RBFOX1: variants seen among roughly 807,000 people sequenced by gnomAD.
RBFOX1 encodes RNA binding fox-1 homolog 1.
A neutral mutation model predicts 57.7 loss-of-function variants in RBFOX1; 8 were observed. The observed-to-expected ratio is 0.14, with a 90% CI of 0.08 to 0.25. The LOEUF is 0.25. Among genes scored for constraint, RBFOX1 ranks in the 10% least tolerant of loss-of-function variants. The probability of loss-of-function intolerance (pLI) is 1.00; values close to 1 mark genes in which losing one functional copy is unlikely to be tolerated. For synonymous variants in RBFOX1, 326 were observed against 222.4 expected (o/e 1.47, Z -4.15); for missense variants, 611 against 548.5 (o/e 1.11, Z -1.14).
At chr16:6,834,056 T>C (rs1291838839) in intron 3 of RBFOX1, among the ~76,000 whole-genome samples, 1 of 104,906 alleles carries the variant, frequency 9.5e-6, no homozygotes, top group African/African-American at 4.6e-5. Context: ...ATCCAATAAA[T>C]ATTTTTTTTT....
At chr16:5,360,088 A>G (rs2065501617) in intron 1 of RBFOX1, among the ~76,000 whole-genome samples, 1 of 152,206 alleles carries the variant, frequency 6.6e-6, no homozygotes, top group Admixed American at 6.5e-5. Context: ...GTCTTGCGGA[A>G]TAAATCACTG....
chr16:7,707,815 G>A (rs183011981), intron 14 of RBFOX1, among the ~76,000 whole-genome samples: 413 of 152,080 alleles, frequency 2.7e-3, no homozygotes, highest in Middle Eastern at 6.9e-3. Flanking sequence ...CAGACGTTGC[G>A]TTTTTTTTCC....
At chr16:6,806,683 A>G (rs2086835452) in intron 3 of RBFOX1, among the ~76,000 whole-genome samples, 2 of 150,922 alleles carry the variant, frequency 1.3e-5, no homozygotes, top group African/African-American at 4.9e-5. Flanking sequence ...GATAATATTG[A>G]TATTAATGAG....
chr16:5,579,151 C>A (rs967038635), intron 2 of RBFOX1, among the ~76,000 whole-genome samples: 1 of 151,816 alleles, frequency 6.6e-6, no homozygotes, highest in Non-Finnish European at 1.5e-5. Flanking sequence ...CCTGGCCACA[C>A]CCCTAATTCT....
chr16:6,601,094 G>C (rs1184359064), intron 2 of RBFOX1, among the ~76,000 whole-genome samples: 1 of 152,214 alleles, frequency 6.6e-6, no homozygotes, highest in Non-Finnish European at 1.5e-5. Context: ...AGTAGCAACA[G>C]CTTAGGGATT....
At chr16:5,679,270 T>G (rs1427478511) in intron 3 of RBFOX1, among the ~76,000 whole-genome samples, 1 of 152,148 alleles carries the variant, frequency 6.6e-6, no homozygotes, top group East Asian at 1.9e-4. Context: ...AGGTGAGCAC[T>G]AAATAATATG....
In RBFOX1 at chr16:6,763,304, C is replaced by G. The variant is rs1382898108; in HGVS notation, c.-16+108654C>G. 2.0e-5 allele frequency among the ~76,000 whole-genome samples: 3 copies of G among 147,020 alleles called. No homozygotes were observed. In the South Asian group the frequency reaches 6.8e-4, roughly 33 times the overall value. On this transcript the variant is annotated intron_variant, in intron 3 of 15. Transcript: ENST00000550418. Reference sequence around the variant, plus strand: ...TGAGAAGCAAAGTCATTGGAAAAACCATTTACCAGTATAGGGTCAGGCTAG... The same window carrying G: ...TGAGAAGCAAAGTCATTGGAAAAACGATTTACCAGTATAGGGTCAGGCTAG...
chr16:5,636,517 G>A (rs1193056451), intron 3 of RBFOX1, among the ~76,000 whole-genome samples: 1 of 151,186 alleles, frequency 6.6e-6, no homozygotes, highest in Admixed American at 6.6e-5. Flanking sequence ...TTATTGGCTG[G>A]GTCATGGAGA....
chr16:6,586,213 A>C (rs2097613533), intron 2 of RBFOX1, among the ~76,000 whole-genome samples: 1 of 152,196 alleles, frequency 6.6e-6, no homozygotes, highest in Non-Finnish European at 1.5e-5. Flanking sequence ...AGTATCAAGA[A>C]AATCCCAATT....
At chr16:6,529,046 A>G (rs115951736) in intron 2 of RBFOX1, among the ~76,000 whole-genome samples, 291 of 152,292 alleles carry the variant, frequency 1.9e-3, no homozygotes, top group African/African-American at 6.6e-3. Context: ...TACCTAATTA[A>G]TTGGTTAAAA....
At chr16:5,805,571 G>T (rs966031145) in intron 3 of RBFOX1, among the ~76,000 whole-genome samples, 1 of 152,182 alleles carries the variant, frequency 6.6e-6, no homozygotes, top group Admixed American at 6.5e-5. Context: ...TTGAACAAAG[G>T]AATTGTTTAT....
At chr16:6,094,536 G>C (rs1048511751) in intron 1 of RBFOX1, among the ~76,000 whole-genome samples, 8 of 152,178 alleles carry the variant, frequency 5.3e-5, no homozygotes, top group African/African-American at 1.9e-4. Context: ...CTGGAAGCTT[G>C]AAAGGAGTTA....
intron 4 of RBFOX1, among the ~76,000 whole-genome samples, chr16:5,904,549 T>G (rs60960117): frequency 0.069 from 10,419 of 151,768 alleles, 470 homozygotes; most frequent in African/African-American, 0.12. Flanking sequence ...GCAGGTGCAT[T>G]CAGACCATGG....
chr16:6,345,075 A>G (rs1346549420), intron 2 of RBFOX1, among the ~76,000 whole-genome samples: 3 of 152,164 alleles, frequency 2.0e-5, no homozygotes, highest in Admixed American at 6.5e-5. Flanking sequence ...TGTTTGGAAG[A>G]GCAAGACACT....
At chr16:7,286,292 C>T (rs2095649377) in intron 4 of RBFOX1, among the ~76,000 whole-genome samples, 1 of 152,068 alleles carries the variant, frequency 6.6e-6, no homozygotes, top group African/African-American at 2.4e-5. Context: ...ATTTCATATC[C>T]TTCCACCTTC....
intron 3 of RBFOX1, among the ~76,000 whole-genome samples, chr16:7,047,716 C>CTTTTTTTTTTTTTTTTTTTT (rs55636828): frequency 1.0e-4 from 5 of 47,936 alleles, no homozygotes; most frequent in Non-Finnish European, 1.4e-4. Context: ...TCCTGCATTT[C>CTTTTTTTTTTTTTTTTTTTT]TTTTTTTTTT....
intron 4 of RBFOX1, among the ~76,000 whole-genome samples, chr16:7,373,951 A>G (rs932002715): frequency 6.6e-6 from 1 of 152,216 alleles, no homozygotes; most frequent in African/African-American, 2.4e-5. Context: ...ATGAAACTGT[A>G]TCACTTTTGA....
At chr16:6,429,032 G>T (rs562698483) in intron 2 of RBFOX1, among the ~76,000 whole-genome samples, 10 of 152,080 alleles carry the variant, frequency 6.6e-5, no homozygotes, top group African/African-American at 2.4e-4. Context: ...GCTCTGTGCT[G>T]TTTCCTGGAA....
intron 3 of RBFOX1, among the ~76,000 whole-genome samples, chr16:5,778,300 G>C (rs2054211238): frequency 6.6e-6 from 1 of 152,140 alleles, no homozygotes; most frequent in Non-Finnish European, 1.5e-5. Context: ...AGTTCTAAGT[G>C]TGAGTTTCCA....
Sources: allele counts gnomAD v4.1 joint callset (sites outside exome capture counted in the v4.1 genomes callset), GRCh38; gene constraint gnomAD v4.1.1; transcripts MANE v1.5; gene names NCBI Gene and HGNC (gene_info 2026-07-23, HGNC 2026-07-21).